The following CRPPA variants were observed in gnomAD, a reference collection of about 807,000 sequenced individuals.
CRPPA encodes the protein CDP-L-ribitol pyrophosphorylase A, also known as D-ribitol-5-phosphate cytidylyltransferase.
CRPPA carries 43 observed loss-of-function variants against 52.0 expected under a neutral mutation model. The ratio of observed to expected loss-of-function variants is 0.83; its 90% CI spans 0.65 to 1.07. CRPPA has a LOEUF of 1.07. Among genes scored for constraint, CRPPA ranks in the 50% least tolerant of loss-of-function variants. The probability of loss-of-function intolerance (pLI) is 0.00; values close to 1 mark genes in which losing one functional copy is unlikely to be tolerated. For synonymous variants in CRPPA, 250 were observed against 203.5 expected, an observed-to-expected ratio of 1.23 and a Z score of -1.94; for missense variants, 629 against 551.7, an observed-to-expected ratio of 1.14 and a Z score of -1.40.
chr7:16,206,999 A>G (rs893623726), intron 9 of CRPPA, among the ~76,000 whole-genome samples: 1 of 152,142 alleles, frequency 6.6e-6, no homozygotes, highest in African/African-American at 2.4e-5. Flanking sequence ...TCTATAAACA[A>G]AACCAAATGC....
intron 8 of CRPPA, among the ~76,000 whole-genome samples, chr7:16,234,578 A>C (rs1001464666): frequency 6.6e-6 from 1 of 152,158 alleles, no homozygotes; most frequent in African/African-American, 2.4e-5. Flanking sequence ...TATTCTCCTT[A>C]ATAGAATGTA....
chr7:16,274,081 G>A (rs574542558), intron 6 of CRPPA, among the ~76,000 whole-genome samples: 33 of 152,166 alleles, frequency 2.2e-4, no homozygotes, highest in Admixed American at 5.9e-4. Flanking sequence ...ACGGAGTCTC[G>A]CTCTGTCGCC....
intron 9 of CRPPA, among the ~76,000 whole-genome samples, chr7:16,199,400 G>A (rs1004541915): frequency 1.3e-5 from 2 of 152,068 alleles, no homozygotes; most frequent in Admixed American, 1.3e-4. Flanking sequence ...TAAAGGTTAT[G>A]TCCAAAAACC....
At chr7:16,329,385 G>A (rs1785496551) in intron 3 of CRPPA, among the ~76,000 whole-genome samples, 1 of 152,094 alleles carries the variant, frequency 6.6e-6, no homozygotes, top group Non-Finnish European at 1.5e-5. Context: ...AAAATTGTAA[G>A]TGAAGTGCAT....
At chr7:16,404,618 C>CA (rs57602557) in intron 2 of CRPPA, among the ~76,000 whole-genome samples, 3,921 of 100,486 alleles carry the variant, frequency 0.039, 60 homozygotes, top group Admixed American at 0.063. Context: ...GTAACACAGG[C>CA]AAAAAAAAAA....
chr7:16,366,565 T>C (rs1786593818), intron 3 of CRPPA, among the ~76,000 whole-genome samples: 1 of 152,120 alleles, frequency 6.6e-6, no homozygotes, highest in Non-Finnish European at 1.5e-5. Context: ...ACATATGAAC[T>C]GAAAACAGAT....
At position 16,089,202 on chromosome 7, in the gene CRPPA, A is replaced by ACGTACGTATATACATATGTGTGTATG. The variant is rs1562496041; in HGVS notation, c.*2492_*2493insCATACACACATATGTATATACGTACG. 4 of 339,230 alleles carry ACGTACGTATATACATATGTGTGTATG rather than the reference A, an allele frequency of 1.2e-5. No individual in the cohort carries two copies. Among genetic ancestry groups the ACGTACGTATATACATATGTGTGTATG allele is most frequent in the African/African-American group, 6.6e-5 (3 of 45,604 alleles). 21.0% of individuals were successfully genotyped at this position (339,230 alleles called of 1,614,324 possible). On this transcript the variant is annotated 3_prime_UTR_variant, in exon 10 of 10. Transcript: ENST00000407010. ...CGTATATACATATATGTGTGTATAT[A>ACGTACGTATATACATATGTGTGTATG]CGTACGTATATACATATATGTGTGT...
intron 2 of CRPPA, among the ~76,000 whole-genome samples, chr7:16,397,254 A>G (rs1787615597): frequency 6.6e-6 from 1 of 152,268 alleles, no homozygotes; most frequent in South Asian, 2.1e-4. Flanking sequence ...TGACATGTAC[A>G]CATGACCAAC....
chr7:16,211,900 G>A (rs1002341736), intron 9 of CRPPA, among the ~76,000 whole-genome samples: 2 of 152,134 alleles, frequency 1.3e-5, no homozygotes, highest in African/African-American at 2.4e-5. Flanking sequence ...TTGTACTTAC[G>A]TCATCGAGTA....
At chr7:16,309,336 AT>A (rs1295425404) in intron 3 of CRPPA, among the ~76,000 whole-genome samples, 2 of 152,080 alleles carry the variant, frequency 1.3e-5, no homozygotes, top group Non-Finnish European at 2.9e-5. Context: ...TGACACATGT[AT>A]TATGCCCTCA....
At chr7:16,264,402 A>G (rs1361357489) in intron 6 of CRPPA, among the ~76,000 whole-genome samples, 1 of 152,208 alleles carries the variant, frequency 6.6e-6, no homozygotes, top group Non-Finnish European at 1.5e-5. Flanking sequence ...CTTTCCTTAC[A>G]TCATAACAAA....
intron 5 of CRPPA, among the ~76,000 whole-genome samples, chr7:16,283,105 CTGCT>C (rs1355215107): frequency 1.3e-5 from 2 of 151,916 alleles, no homozygotes; most frequent in Non-Finnish European, 2.9e-5. Context: ...TTAAAAACCT[CTGCT>C]TAGCTATTGC....
At chr7:16,224,963 T>C (rs1440981525) in intron 8 of CRPPA, among the ~76,000 whole-genome samples, 2 of 152,076 alleles carry the variant, frequency 1.3e-5, no homozygotes, top group Non-Finnish European at 2.9e-5. Flanking sequence ...TTATAAACTA[T>C]CATGGAAACT....
At chr7:16,149,811 C>G (rs750287368) in intron 9 of CRPPA, among the ~76,000 whole-genome samples, 2 of 152,030 alleles carry the variant, frequency 1.3e-5, no homozygotes, top group African/African-American at 2.4e-5. Flanking sequence ...CACGGTGAAA[C>G]CCCGTCTCTA....
chr7:16,199,287 C>T (rs991473088), intron 9 of CRPPA, among the ~76,000 whole-genome samples: 1 of 152,160 alleles, frequency 6.6e-6, no homozygotes, highest in Non-Finnish European at 1.5e-5. Flanking sequence ...GGAAGCTCCA[C>T]TCTTTACCCT....
chr7:16,183,610 T>G (rs2128388318), intron 9 of CRPPA, among the ~76,000 whole-genome samples: 1 of 152,280 alleles, frequency 6.6e-6, no homozygotes, highest in Middle Eastern at 3.4e-3. Flanking sequence ...TTAGAGTCCT[T>G]CTAGACTCTG....
chr7:16,415,833 G>T (rs1788179956), intron 1 of CRPPA, among the ~76,000 whole-genome samples: 1 of 152,130 alleles, frequency 6.6e-6, no homozygotes, highest in South Asian at 2.1e-4. Context: ...ATGTGTAAGT[G>T]GCAGTCTTTA....
At position 16,091,806 on chromosome 7, in the gene CRPPA, A is replaced by G; in HGVS notation, c.1252-7T>C. 2 of 1,446,590 alleles carry G rather than the reference A, an allele frequency of 1.4e-6. No individual in the cohort carries two copies. Among genetic ancestry groups the G allele is most frequent in the Non-Finnish European group, 9.3e-7 (1 of 1,076,998 alleles). The allele number at this position is 1,446,590 out of a possible 1,614,324, so 89.6% of individuals were successfully genotyped here. On this transcript the variant is annotated splice_region_variant and splice_polypyrimidine_tract_variant and intron_variant, in intron 9 of 9. Coordinates refer to ENST00000407010, the MANE Select transcript of CRPPA (RefSeq NM_001101426.4). ...CCTGTAGCTTCTGATCATCCTGAAAAGAAAGGATAAACCAGTAATATTTTA... is the reference window on the plus strand; with the variant it reads ...CCTGTAGCTTCTGATCATCCTGAAAGGAAAGGATAAACCAGTAATATTTTA...
chr7:16,392,044 T>C (rs1455790808), intron 2 of CRPPA, among the ~76,000 whole-genome samples: 1 of 152,194 alleles, frequency 6.6e-6, no homozygotes, highest in Non-Finnish European at 1.5e-5. Context: ...AATGCAAGTC[T>C]CATTCATGCC....
Sources: allele counts gnomAD v4.1 joint callset (sites outside exome capture counted in the v4.1 genomes callset), GRCh38; gene constraint gnomAD v4.1.1; transcripts MANE v1.5; gene names NCBI Gene and HGNC (gene_info 2026-07-23, HGNC 2026-07-21).